Variants in PIK3CB observed in about 807,000 individuals in gnomAD.
PIK3CB encodes phosphatidylinositol-4,5-bisphosphate 3-kinase catalytic subunit beta, also known as phosphatidylinositol 4,5-bisphosphate 3-kinase catalytic subunit beta isoform.
PIK3CB carries 39 observed loss-of-function variants against 136.8 expected under a neutral mutation model. The ratio of observed to expected loss-of-function variants is 0.29; its 90% CI spans 0.22 to 0.37. The LOEUF is 0.37. PIK3CB is among the 10% of genes least tolerant of loss of function. PIK3CB has a pLI of 1.00. For missense variants in PIK3CB, 868 were observed against 1,275.4 expected (o/e 0.68, Z 4.87); for synonymous variants, 428 against 436.6 (o/e 0.98, Z 0.25).
chr3:138,772,217 A>G (rs1007615318), intron 2 of PIK3CB, among the ~76,000 whole-genome samples: 14 of 152,198 alleles, frequency 9.2e-5, no homozygotes, highest in Admixed American at 5.9e-4. Context: ...TTTAAAGTTA[A>G]AAGAAAAAAC....
At chr3:138,665,787 C>A (rs2043397241) in intron 19 of PIK3CB, among the ~76,000 whole-genome samples, 1 of 152,164 alleles carries the variant, frequency 6.6e-6, no homozygotes, top group African/African-American at 2.4e-5. Context: ...CCAGGCTGCT[C>A]TTGAACTCCT....
At chr3:138,766,410 T>C (rs1353772631) in intron 2 of PIK3CB, among the ~76,000 whole-genome samples, 1 of 152,232 alleles carries the variant, frequency 6.6e-6, no homozygotes, top group Non-Finnish European at 1.5e-5. Flanking sequence ...CTGTGCTATA[T>C]TTCACATTTT....
At chr3:138,658,419 T>A (rs1220122050) in intron 21 of PIK3CB, among the ~76,000 whole-genome samples, 3 of 152,034 alleles carry the variant, frequency 2.0e-5, no homozygotes, top group Admixed American at 1.3e-4. Flanking sequence ...CACTACGCTC[T>A]TGCCTGGGTG....
rs11344311 is a variant in PIK3CB at position 138,737,394 on chromosome 3, C to CA, written c.801+312dup. Among the ~76,000 whole-genome samples the CA allele has an allele frequency of 6.2e-3, 242 of 39,050 alleles. 32 individuals are homozygous for CA. The highest frequency in any genetic ancestry group is 0.011 in the African/African-American group (105 of 9,334). The allele number at this position is 39,050 out of a possible 152,430, so 25.6% of individuals were successfully genotyped here. A position where few individuals can be genotyped will look rare whatever the true frequency, so the allele number is the denominator to read the frequency against. ...TAGGCGACAGAGCAACACTCTGTCT[C>CA]AAAAAAAAAAAAAAAAAAAAAAAAA... On this transcript the variant is annotated intron_variant, in intron 6 of 23. Coordinates refer to ENST00000674063, the MANE Select transcript of PIK3CB (RefSeq NM_006219.3).
chr3:138,752,795 C>T (rs2108708574), intron 4 of PIK3CB, among the ~76,000 whole-genome samples: 1 of 151,660 alleles, frequency 6.6e-6, no homozygotes, highest in Middle Eastern at 3.4e-3. Flanking sequence ...GGTAAGGTTG[C>T]CAGGTTAAAA....
chr3:138,729,826 AATATAG>A (rs1297075821), intron 8 of PIK3CB, among the ~76,000 whole-genome samples: 2 of 152,182 alleles, frequency 1.3e-5, no homozygotes, highest in African/African-American at 4.8e-5. Flanking sequence ...TATATGTGAT[AATATAG>A]ATATAGCTAT....
chr3:138,763,299 C>T (rs771010193), intron 2 of PIK3CB, among the ~76,000 whole-genome samples: 8 of 151,986 alleles, frequency 5.3e-5, no homozygotes, highest in Non-Finnish European at 8.8e-5. Flanking sequence ...CCATCATGCC[C>T]GGCTAATTTT....
intron 19 of PIK3CB, among the ~76,000 whole-genome samples, chr3:138,680,861 G>A (rs978546542): frequency 6.6e-6 from 1 of 151,560 alleles, no homozygotes; most frequent in Non-Finnish European, 1.5e-5. Flanking sequence ...CTAATTTTTT[G>A]TATTTTTAGT....
At chr3:138,703,836 T>TCTCAGATGCGTGTGTACTTAGGCATGG (rs2044308648) in intron 12 of PIK3CB, among the ~76,000 whole-genome samples, 1 of 152,124 alleles carries the variant, frequency 6.6e-6, no homozygotes, top group Non-Finnish European at 1.5e-5. Context: ...AGACTGCACC[T>TCTCAGATGCGTGTGTACTTAGGCATGG]CTCAGATGCG....
At chr3:138,717,268 AAAAG>A (rs1199465773) in intron 8 of PIK3CB, among the ~76,000 whole-genome samples, 1 of 152,018 alleles carries the variant, frequency 6.6e-6, no homozygotes, top group African/African-American at 2.4e-5. Flanking sequence ...AAAAAAAAAA[AAAAG>A]AAGTAGTTTA....
At chr3:138,815,644 T>C (rs1410088687) in intron 1 of PIK3CB, among the ~76,000 whole-genome samples, 1 of 152,136 alleles carries the variant, frequency 6.6e-6, no homozygotes, top group African/African-American at 2.4e-5. Flanking sequence ...CTGCCATTTG[T>C]GAGAGTGGGG....
chr3:138,834,185 C>A (rs1036115447), intron 1 of PIK3CB, among the ~76,000 whole-genome samples: 2 of 152,250 alleles, frequency 1.3e-5, no homozygotes, highest in African/African-American at 4.8e-5. Context: ...CCATTTAACA[C>A]ATCAGGATAT....
At chr3:138,730,300 T>G (rs1375805796) in intron 8 of PIK3CB, among the ~76,000 whole-genome samples, 1 of 152,180 alleles carries the variant, frequency 6.6e-6, no homozygotes, top group African/African-American at 2.4e-5. Context: ...GTCAATGACT[T>G]TATTGGGTTT....
At chr3:138,684,201 T>C (rs2043836452) in intron 17 of PIK3CB, among the ~76,000 whole-genome samples, 1 of 152,210 alleles carries the variant, frequency 6.6e-6, no homozygotes, top group South Asian at 2.1e-4. Flanking sequence ...ATACAGACTA[T>C]TATTTTCCAT....
intron 8 of PIK3CB, among the ~76,000 whole-genome samples, chr3:138,725,161 A>C (rs1345167279): frequency 6.6e-6 from 1 of 151,948 alleles, no homozygotes; most frequent in Non-Finnish European, 1.5e-5. Flanking sequence ...GCATGTAAGA[A>C]ATATGCATTT....
intron 2 of PIK3CB, among the ~76,000 whole-genome samples, chr3:138,783,278 T>A (rs574424687): frequency 6.7e-6 from 1 of 148,512 alleles, no homozygotes; most frequent in South Asian, 2.1e-4. Flanking sequence ...AGAGGGTGAT[T>A]TTTTTTTTTT....
At chr3:138,766,866 T>C (rs957742176) in intron 2 of PIK3CB, among the ~76,000 whole-genome samples, 5 of 152,252 alleles carry the variant, frequency 3.3e-5, no homozygotes, top group Admixed American at 6.5e-5. Context: ...TACCTTGATA[T>C]TGTCATTAGC....
At chr3:138,713,182 A>AT (rs759403523) in intron 9 of PIK3CB, among the ~76,000 whole-genome samples, 4,508 of 143,006 alleles carry the variant, frequency 0.032, 224 homozygotes, top group African/African-American at 0.11. Context: ...CTTTTAGGGT[A>AT]TTTTTTTTTT....
Position 138,663,897 on chromosome 3 carries a change from G to C in PIK3CB, c.2796+9C>G, listed in dbSNP as rs747984528. On this transcript the variant is annotated intron_variant, in intron 21 of 23. Coordinates refer to ENST00000674063, the MANE Select transcript of PIK3CB (RefSeq NM_006219.3). ...TAAGGCCCTTGGCAGATCCTGAGGA[G>C]CAGCTCACCTGGCCAGTTTTTTTGA... 9 of 1,612,440 alleles carry C rather than the reference G, an allele frequency of 5.6e-6. No individual in the cohort carries two copies. In the Admixed American group the frequency reaches 1.5e-4, roughly 27 times the overall value.
Sources: allele counts gnomAD v4.1 joint callset (sites outside exome capture counted in the v4.1 genomes callset), GRCh38; gene constraint gnomAD v4.1.1; transcripts MANE v1.5; gene names NCBI Gene and HGNC (gene_info 2026-07-23, HGNC 2026-07-21).